Variants in MACF1 observed in about 807,000 individuals in gnomAD.
MACF1 encodes microtubule-actin cross-linking factor 1.
In MACF1, 193 loss-of-function variants were observed where a neutral mutation model predicts 854.8. That is an observed-to-expected ratio of 0.23 (90% confidence interval 0.20 to 0.25). The LOEUF (loss-of-function observed/expected upper bound fraction) is 0.25, where lower values mean the gene tolerates loss of function less well. Among genes scored for constraint, MACF1 ranks in the 10% least tolerant of loss-of-function variants. The pLI is 1.00. For missense variants in MACF1, 7,722 were observed against 8,929.1 expected, an observed-to-expected ratio of 0.86 and a Z score of 5.45; for synonymous variants, 3,185 against 3,226.7, an observed-to-expected ratio of 0.99 and a Z score of 0.44.
At chr1:39,291,879 T>A in intron 15 of MACF1, 31 bp from the exon 16 acceptor site, 3 of 1,600,446 alleles carry the variant, frequency 1.9e-6, no homozygotes, top group Non-Finnish European at 2.6e-6. Flanking sequence ...CAGCAGTAAA[T>A]TATGTCATAT....
intron 31 of MACF1, among the ~76,000 whole-genome samples, chr1:39,321,606 A>T (rs1234759736): frequency 6.6e-6 from 1 of 152,216 alleles, no homozygotes; most frequent in East Asian, 1.9e-4. Context: ...AGCAGTGACT[A>T]TGGAAAATTA....
chr1:39,237,671 T>C (rs1644874850), intron 2 of MACF1, among the ~76,000 whole-genome samples: 1 of 151,702 alleles, frequency 6.6e-6, no homozygotes, highest in Non-Finnish European at 1.5e-5. Flanking sequence ...ATGAATCTTC[T>C]GATCAAAATT....
At chr1:39,164,708 C>A (rs1296033062) in intron 2 of MACF1, among the ~76,000 whole-genome samples, 1 of 152,190 alleles carries the variant, frequency 6.6e-6, no homozygotes, top group East Asian at 1.9e-4. Flanking sequence ...CACATTGGAA[C>A]CCTGGATTGG....
intron 58 of MACF1, among the ~76,000 whole-genome samples, chr1:39,396,195 C>T (rs567568447): frequency 1.3e-5 from 2 of 152,124 alleles, no homozygotes; most frequent in South Asian, 4.1e-4. Flanking sequence ...TGGCATGCGC[C>T]TGTAGTCCCA....
rs1467103342 is a variant in MACF1 at position 39,443,492 on chromosome 1, C to G, written c.19349C>G (p.Thr6450Ser). 6.2e-7 allele frequency: 1 copy of G among 1,613,862 alleles called. No homozygotes were observed. The highest frequency in any genetic ancestry group is 1.1e-5 in the South Asian group (1 of 91,050). Residue 6450 changes from threonine (T) to serine (S), a missense_variant, in exon 79 of 101, where the codon ACT becomes AGT. By Grantham distance (58) the Thr-to-Ser change is moderately conservative. Transcript: ENST00000564288. ...ATTGAAGATTTCCTCTTGGAACTTA[C>G]TAGAATGGAGAGCCAGCTTTCTGCA... ...SEIEDFLLEL[T>S]RMESQLSASK...
rs1301675669 is a variant in MACF1 at position 39,485,477 on chromosome 1, C to T, written c.22412-61C>T. ...CAGGATCAGAACCCTAGCTTCTGCT[C>T]ACTTGTTCTTCCACCCCATGCCATC... On this transcript the variant is annotated intron_variant, in intron 100 of 100. Transcript: ENST00000564288. The T allele has an allele frequency of 4.7e-6, 7 of 1,496,300 alleles. No homozygotes were observed. The Admixed American group carries it at 1.1e-4, about 22-fold the overall frequency. The allele number at this position is 1,496,300 out of a possible 1,614,324, so 92.7% of individuals were successfully genotyped here.
At chr1:39,114,661 G>GAGT (rs1413007666) in intron 2 of MACF1, among the ~76,000 whole-genome samples, 2 of 152,170 alleles carry the variant, frequency 1.3e-5, no homozygotes, top group Non-Finnish European at 2.9e-5. Context: ...ATGAACCAGG[G>GAGT]AGTAGGTGAT....
intron 51 of MACF1, among the ~76,000 whole-genome samples, chr1:39,371,976 G>A (rs1649294682): frequency 2.0e-5 from 3 of 150,722 alleles, no homozygotes; most frequent in Admixed American, 2.0e-4. Flanking sequence ...ACCACGCCCG[G>A]CTAATTTTTT....
chr1:39,283,572 A>G lies in MACF1; in HGVS notation c.915+57A>G, dbSNP rs1341137452. The G allele has an allele frequency of 8.0e-7, 1 of 1,253,686 alleles. No homozygotes were observed. The highest frequency in any genetic ancestry group is 1.5e-5 in the African/African-American group (1 of 67,784). The allele number at this position is 1,253,686 out of a possible 1,614,324, so 77.7% of individuals were successfully genotyped here. On this transcript the variant is annotated intron_variant, in intron 9 of 100. Transcript: ENST00000564288. The surrounding 1 kb of genome is among the most constrained non-coding windows in gnomAD (Gnocchi z 4.5). ...ACTTTGATTCATTTGGGTGAAATGC[A>G]TTGGTTAGACACTTTCTTAAGCACT...
intron 6 of MACF1, among the ~76,000 whole-genome samples, chr1:39,259,576 A>G (rs1436079767): frequency 2.0e-5 from 3 of 149,862 alleles, no homozygotes; most frequent in African/African-American, 7.4e-5. Flanking sequence ...CAAATGTTTA[A>G]ATAGAGAAAA....
intron 11 of MACF1, 23 bp from the exon 12 acceptor site, chr1:39,285,060 G>T (rs551857026): frequency 2.5e-6 from 4 of 1,612,822 alleles, no homozygotes; most frequent in Admixed American, 3.3e-5. Context: ...TGTGTTTTTG[G>T]ACTGAAAGAG....
chr1:39,190,942 G>A (rs925301974), intron 2 of MACF1, among the ~76,000 whole-genome samples: 3 of 152,140 alleles, frequency 2.0e-5, no homozygotes, highest in African/African-American at 7.2e-5. Context: ...GCAGTGAGCT[G>A]AGATCGCACC....
At chr1:39,426,107 A>G (rs7514504) in intron 61 of MACF1, among the ~76,000 whole-genome samples, 1,914 of 152,260 alleles carry the variant, frequency 0.013, 41 homozygotes, top group African/African-American at 0.044. Flanking sequence ...ATTAGAGGCA[A>G]TTTTTAAAAA....
chr1:39,350,321 A>C (rs533500527), intron 42 of MACF1, among the ~76,000 whole-genome samples: 68 of 152,292 alleles, frequency 4.5e-4, no homozygotes, highest in African/African-American at 1.4e-3. Context: ...AACCGAAAGA[A>C]AGCTAGTTCG....
chr1:39,321,464 G>GT (rs1335243041), intron 31 of MACF1, among the ~76,000 whole-genome samples: 1 of 152,110 alleles, frequency 6.6e-6, no homozygotes, highest in Admixed American at 6.6e-5. Context: ...TCTACCCGGA[G>GT]TTTTTTTAAG....
chr1:39,482,843 G>A (rs181964241), intron 99 of MACF1, among the ~76,000 whole-genome samples: 117 of 149,382 alleles, frequency 7.8e-4, no homozygotes, highest in Non-Finnish European at 1.3e-3. Context: ...GCTGGACATG[G>A]TGGCTCACCC....
chr1:39,301,923 A>G (rs954451675), intron 22 of MACF1, among the ~76,000 whole-genome samples: 7 of 152,150 alleles, frequency 4.6e-5, no homozygotes, highest in Non-Finnish European at 8.8e-5. Context: ...TATTATAACT[A>G]CATACACCAC....
intron 26 of MACF1, among the ~76,000 whole-genome samples, chr1:39,313,284 G>T (rs1557581696): frequency 6.6e-6 from 1 of 152,096 alleles, no homozygotes. Context: ...TTCATCTCTG[G>T]TTCCTATTTT....
At chr1:39,179,319 C>A (rs1571141207) in intron 2 of MACF1, among the ~76,000 whole-genome samples, 1 of 152,296 alleles carries the variant, frequency 6.6e-6, no homozygotes, top group East Asian at 1.9e-4. Flanking sequence ...CCTTCTGCAT[C>A]TTCTGTTTCT....
Sources: allele counts gnomAD v4.1 joint callset (sites outside exome capture counted in the v4.1 genomes callset), GRCh38; gene constraint gnomAD v4.1.1; non-coding constraint Gnocchi (gnomAD v3.1); transcripts MANE v1.5; gene names NCBI Gene and HGNC (gene_info 2026-07-23, HGNC 2026-07-21).